KIF2A: variants seen among roughly 807,000 people sequenced by gnomAD.
KIF2A encodes kinesin family member 2A.
KIF2A carries 22 observed loss-of-function variants against 100.2 expected under a neutral mutation model. The ratio of observed to expected loss-of-function variants is 0.22; its 90% CI spans 0.16 to 0.31. KIF2A has a LOEUF of 0.31. Ranked by LOEUF, KIF2A falls within the 10% of genes least tolerant of loss-of-function variation. KIF2A has a pLI of 1.00. For synonymous variants in KIF2A, 268 were observed against 285.9 expected (o/e 0.94, Z 0.63); for missense variants, 495 against 898.7 (o/e 0.55, Z 5.74).
intron 1 of KIF2A, among the ~76,000 whole-genome samples, chr5:62,334,525 C>T (rs1746830994): frequency 7.1e-6 from 1 of 139,958 alleles, no homozygotes; most frequent in South Asian, 2.6e-4. Flanking sequence ...CCCTCTTCCT[C>T]CCCCTCTTCC....
intron 1 of KIF2A, among the ~76,000 whole-genome samples, chr5:62,319,160 TAACAACAAC>T (rs35093486): frequency 6.7e-5 from 10 of 149,808 alleles, no homozygotes; most frequent in Admixed American, 1.3e-4. Flanking sequence ...GTAATTTGGT[TAACAACAAC>T]AACAACAACA....
At chr5:62,363,976 G>A (rs186337640) in intron 14 of KIF2A, 77 bp downstream of exon 14, 4 of 1,121,946 alleles carry the variant, frequency 3.6e-6, no homozygotes, top group South Asian at 1.5e-5. Flanking sequence ...CAAAATAGTA[G>A]TACTTGTTTT....
intron 1 of KIF2A, among the ~76,000 whole-genome samples, chr5:62,315,209 G>A (rs1745753451): frequency 7.3e-6 from 1 of 137,588 alleles, no homozygotes; most frequent in East Asian, 2.1e-4. Context: ...AACTCTGGCT[G>A]CTCAATAGAT....
chr5:62,330,875 A>C (rs185263470), intron 1 of KIF2A, among the ~76,000 whole-genome samples: 2 of 152,248 alleles, frequency 1.3e-5, no homozygotes, highest in East Asian at 1.9e-4. Flanking sequence ...TATACATATG[A>C]ATCACCGGTG....
chr5:62,317,519 G>T (rs565349832), intron 1 of KIF2A, among the ~76,000 whole-genome samples: 2 of 152,158 alleles, frequency 1.3e-5, no homozygotes, highest in Non-Finnish European at 2.9e-5. Flanking sequence ...AAAATAAGTA[G>T]CAAATCTGAG....
intron 8 of KIF2A, 102 bp from the exon 9 acceptor site, chr5:62,358,035 A>ACTTACTACTTGTATCTTAGTT (rs1748205360): frequency 1.2e-6 from 1 of 866,448 alleles, no homozygotes; most frequent in Admixed American, 3.3e-5. Context: ...TATGTACAGA[A>ACTTACTACTTGTATCTTAGTT]CTTACTACTT....
At chr5:62,381,518 T>C (rs751611260) in intron 20 of KIF2A, among the ~76,000 whole-genome samples, 47 of 152,262 alleles carry the variant, frequency 3.1e-4, no homozygotes, top group Admixed American at 3.3e-4. Context: ...ATAAATTTTA[T>C]GTACCTATTC....
At chr5:62,349,941 TTTC>T (rs1053394460) in intron 3 of KIF2A, 122 bp from the exon 4 acceptor site, 2 of 615,172 alleles carry the variant, frequency 3.3e-6, no homozygotes, top group African/African-American at 3.9e-5. Context: ...GATTATAGTT[TTTC>T]TTCATTTTGT....
chr5:62,383,335 C>G (rs1488114865), intron 20 of KIF2A, among the ~76,000 whole-genome samples: 2 of 145,180 alleles, frequency 1.4e-5, no homozygotes, highest in African/African-American at 5.2e-5. Context: ...CTCCGCCTCC[C>G]AGGTTCATGC....
chr5:62,383,283 C>T (rs1330670753), intron 20 of KIF2A, among the ~76,000 whole-genome samples: 2 of 121,286 alleles, frequency 1.6e-5, no homozygotes, highest in African/African-American at 6.4e-5. Context: ...CACTCTGTCA[C>T]GCAGGCTGGA....
intron 4 of KIF2A, among the ~76,000 whole-genome samples, chr5:62,350,871 G>A (rs1317423099): frequency 2.0e-5 from 3 of 149,542 alleles, no homozygotes; most frequent in Non-Finnish European, 3.0e-5. Flanking sequence ...AAGATCGCAC[G>A]ACTGCACTCC....
intron 9 of KIF2A, among the ~76,000 whole-genome samples, chr5:62,360,885 G>GT (rs959874175): frequency 9.9e-4 from 151 of 152,014 alleles, no homozygotes; most frequent in African/African-American, 3.5e-3. Flanking sequence ...TATTTTTGCA[G>GT]TTTTTTTCCT....
rs775358234 is a variant in KIF2A, at chr5:62,363,168, T to A, written c.1120-10T>A. 1 of 1,591,300 alleles carries A rather than the reference T, an allele frequency of 6.3e-7. No individual in the cohort carries two copies. The highest frequency in any genetic ancestry group is 1.1e-5 in the South Asian group (1 of 87,762). On this transcript the variant is annotated splice_polypyrimidine_tract_variant and intron_variant, in intron 12 of 20. Transcript: ENST00000407818. ...AGCTAGTTTTCTAATTTGAATATGG[T>A]TTTTCATAGGTGTTTGACTTGCTAA...
At position 62,353,256 on chromosome 5, in the gene KIF2A, G is replaced by A; in HGVS notation, c.458-19G>A. 1 of 1,399,572 alleles carries A rather than the reference G, an allele frequency of 7.1e-7. No individual in the cohort carries two copies. Among genetic ancestry groups the A allele is most frequent in the South Asian group, 1.4e-5 (1 of 71,214 alleles). 86.7% of individuals were successfully genotyped at this position (1,399,572 alleles called of 1,614,324 possible). ...TAAAAAAGAAAACTATACTTCTACA[G>A]CTCATCTTTTCTTTTCAGCACGTAG... On this transcript the variant is annotated intron_variant, in intron 5 of 20. Coordinates refer to ENST00000407818, the MANE Select transcript of KIF2A (RefSeq NM_001098511.3).
chr5:62,381,292 G>A (rs776471791), intron 20 of KIF2A, 39 bp downstream of exon 20: 17 of 1,557,698 alleles, frequency 1.1e-5, no homozygotes, highest in Non-Finnish European at 8.8e-7. Context: ...AATCTGATTG[G>A]TATTGGTATG....
At chr5:62,323,170 C>T (rs899957024) in intron 1 of KIF2A, among the ~76,000 whole-genome samples, 30 of 151,204 alleles carry the variant, frequency 2.0e-4, no homozygotes, top group African/African-American at 6.3e-4. Context: ...GCAGGATAAT[C>T]GCTTGAACCC....
chr5:62,348,804 C>T (rs971410985), intron 3 of KIF2A, among the ~76,000 whole-genome samples: 3 of 151,686 alleles, frequency 2.0e-5, no homozygotes, highest in African/African-American at 4.9e-5. Flanking sequence ...GTTGAATCTG[C>T]GGTTCTTTGT....
At chr5:62,307,887 G>A (rs1745391680) in intron 1 of KIF2A, among the ~76,000 whole-genome samples, 1 of 152,080 alleles carries the variant, frequency 6.6e-6, no homozygotes, top group Non-Finnish European at 1.5e-5. Flanking sequence ...CAATGTGCTG[G>A]GATTACAGGC....
intron 19 of KIF2A, among the ~76,000 whole-genome samples, chr5:62,378,644 G>A (rs747176506): frequency 3.3e-5 from 5 of 152,186 alleles, no homozygotes; most frequent in African/African-American, 4.8e-5. Flanking sequence ...TTGGCCAGGC[G>A]CAGTGGCTCA....
Sources: gnomAD v4.1 joint callset for allele counts (sites outside exome capture counted in the v4.1 genomes callset) on GRCh38, gnomAD v4.1.1 for gene constraint, MANE v1.5 for transcripts, NCBI Gene and HGNC (gene_info 2026-07-23, HGNC 2026-07-21) for gene names.